The following FNDC3B variants were observed in gnomAD, a reference collection of about 807,000 sequenced individuals.
FNDC3B encodes the protein fibronectin type III domain containing 3B.
FNDC3B carries 12 observed loss-of-function variants against 151.5 expected under a neutral mutation model. That is an observed-to-expected ratio of 0.08 (90% CI 0.05 to 0.13). The LOEUF is 0.13. Among genes scored for constraint, FNDC3B ranks in the 10% least tolerant of loss-of-function variants. The probability of loss-of-function intolerance (pLI) is 1.00; values close to 1 mark genes in which losing one functional copy is unlikely to be tolerated. For synonymous variants in FNDC3B, 528 were observed against 549.0 expected, an observed-to-expected ratio of 0.96 and a Z score of 0.54; for missense variants, 1,214 against 1,505.3, an observed-to-expected ratio of 0.81 and a Z score of 3.20.
chr3:172,361,350 C>A (rs1734354050), intron 22 of FNDC3B, among the ~76,000 whole-genome samples: 1 of 152,184 alleles, frequency 6.6e-6, no homozygotes, highest in Non-Finnish European at 1.5e-5. Flanking sequence ...TAAGTCATTC[C>A]TTTGCTCCCA....
At chr3:172,227,166 C>G (rs1236652626) in intron 4 of FNDC3B, 1 of 428,276 alleles carries the variant, frequency 2.3e-6, no homozygotes, top group African/African-American at 2.0e-5. Context: ...ACTAGACTGT[C>G]CTCTGCCAAG....
At chr3:172,286,427 G>A (rs1730022055) in intron 7 of FNDC3B, among the ~76,000 whole-genome samples, 1 of 152,052 alleles carries the variant, frequency 6.6e-6, no homozygotes, top group African/African-American at 2.4e-5. Flanking sequence ...GGGTGCAATG[G>A]CAAGACAAAA....
chr3:172,158,286 G>A (rs1722593898), intron 3 of FNDC3B, among the ~76,000 whole-genome samples: 1 of 152,170 alleles, frequency 6.6e-6, no homozygotes, highest in Non-Finnish European at 1.5e-5. Context: ...CAGAGTGGTT[G>A]TACTATTTTA....
At chr3:172,152,496 T>C (rs1420552518) in intron 3 of FNDC3B, among the ~76,000 whole-genome samples, 3 of 151,938 alleles carry the variant, frequency 2.0e-5, no homozygotes, top group Non-Finnish European at 4.4e-5. Context: ...GTACCCTTCA[T>C]GTCCTCAACT....
intron 4 of FNDC3B, among the ~76,000 whole-genome samples, chr3:172,242,587 T>C (rs1016904754): frequency 1.3e-5 from 2 of 152,196 alleles, no homozygotes; most frequent in African/African-American, 4.8e-5. Context: ...CTTTCAGTCA[T>C]GACTGGAGTG....
At chr3:172,160,893 G>T (rs545253026) in intron 3 of FNDC3B, among the ~76,000 whole-genome samples, 4 of 151,994 alleles carry the variant, frequency 2.6e-5, no homozygotes, top group African/African-American at 4.8e-5. Context: ...CGAATTTGCC[G>T]TTGAAAGAAT....
At chr3:172,060,871 T>C (rs1717161180) in intron 1 of FNDC3B, among the ~76,000 whole-genome samples, 1 of 152,232 alleles carries the variant, frequency 6.6e-6, no homozygotes, top group Non-Finnish European at 1.5e-5. Flanking sequence ...ATTCTTACTA[T>C]TGGAGGCATA....
chr3:172,061,982 T>C (rs770076490), intron 1 of FNDC3B, among the ~76,000 whole-genome samples: 2 of 152,194 alleles, frequency 1.3e-5, no homozygotes, highest in African/African-American at 4.8e-5. Context: ...CATAAACTTA[T>C]TTATCTGAAT....
intron 11 of FNDC3B, among the ~76,000 whole-genome samples, chr3:172,323,461 A>G (rs967038381): frequency 2.0e-5 from 3 of 152,164 alleles, no homozygotes; most frequent in African/African-American, 7.2e-5. Context: ...ACAGTGAGCT[A>G]TGGTCTGTTT....
chr3:172,170,701 C>A (rs967825278), intron 3 of FNDC3B, among the ~76,000 whole-genome samples: 3 of 152,148 alleles, frequency 2.0e-5, no homozygotes, highest in Non-Finnish European at 4.4e-5. Flanking sequence ...GTTTCGACTC[C>A]TTTTGCGTGG....
intron 3 of FNDC3B, among the ~76,000 whole-genome samples, chr3:172,152,726 C>T (rs1722295846): frequency 6.6e-6 from 1 of 152,024 alleles, no homozygotes; most frequent in Admixed American, 6.6e-5. Context: ...CTTCTTTTCA[C>T]GGGACCCCTG....
In FNDC3B at chr3:172,210,861, TGGATGTGTTACTC is replaced by T. The variant is rs535376381; in HGVS notation, c.188-15998_188-15986del. ...TTACTTGCTTTTTGGATGTGTTACTTGGATGTGTTACTCGGATGTGTTACCCATACATAGAATC... is the reference window on the plus strand; with the variant it reads ...TTACTTGCTTTTTGGATGTGTTACTTGGATGTGTTACCCATACATAGAATC... On this transcript the variant is annotated intron_variant, in intron 3 of 25. Coordinates refer to ENST00000415807, the MANE Select transcript of FNDC3B (RefSeq NM_022763.4). Among the ~76,000 whole-genome samples, 1,278 of 152,338 alleles carry T rather than the reference TGGATGTGTTACTC, an allele frequency of 8.4e-3. 16 individuals carry two copies. The highest frequency in any genetic ancestry group is 0.029 in the African/African-American group (1,208 of 41,566).
chr3:172,258,610 G>A (rs1199597479), intron 6 of FNDC3B, among the ~76,000 whole-genome samples: 1 of 152,116 alleles, frequency 6.6e-6, no homozygotes, highest in African/African-American at 2.4e-5. Flanking sequence ...GATATTTTTG[G>A]GTCCTTGGAG....
At position 172,105,112 on chromosome 3, in the gene FNDC3B, G is replaced by A. The variant is rs189915763; in HGVS notation, c.-28-7340G>A. On this transcript the variant is annotated intron_variant, in intron 1 of 25. Coordinates refer to ENST00000415807, the MANE Select transcript of FNDC3B (RefSeq NM_022763.4). ...CTCTCTCTTTCCCTCTCTTTTCTAA[G>A]TTTTGCTAATAATAAAACTTAGGAA... is the stretch of plus-strand genomic sequence containing the variant. Among the ~76,000 whole-genome samples the A allele has an allele frequency of 1.7e-4, 26 of 152,218 alleles. No individual in the cohort carries two copies. The East Asian group carries it at 2.3e-3, about 14-fold the overall frequency.
At chr3:172,332,235 G>T (rs1486306837) in intron 13 of FNDC3B, among the ~76,000 whole-genome samples, 1 of 152,166 alleles carries the variant, frequency 6.6e-6, no homozygotes, top group Non-Finnish European at 1.5e-5. Flanking sequence ...CTCCCAAAGT[G>T]CTGGGATTAC....
chr3:172,359,298 C>G, intron 22 of FNDC3B, among the ~76,000 whole-genome samples: 1 of 152,100 alleles, frequency 6.6e-6, no homozygotes, highest in East Asian at 1.9e-4. Flanking sequence ...GAACAACAAT[C>G]TTAAGGAACT....
chr3:172,281,369 T>A (rs542402689), intron 6 of FNDC3B, among the ~76,000 whole-genome samples: 3 of 152,164 alleles, frequency 2.0e-5, no homozygotes, highest in Non-Finnish European at 4.4e-5. Context: ...CTAAGCCTCC[T>A]GAGTAGTTGG....
chr3:172,229,416 CT>C (rs1406375766), intron 4 of FNDC3B, among the ~76,000 whole-genome samples: 1 of 152,194 alleles, frequency 6.6e-6, no homozygotes, highest in African/African-American at 2.4e-5. Context: ...CCTTGGGCCT[CT>C]TTCTAAATAC....
intron 2 of FNDC3B, among the ~76,000 whole-genome samples, chr3:172,125,145 T>G (rs1429885473): frequency 1.3e-5 from 2 of 152,156 alleles, no homozygotes; most frequent in Non-Finnish European, 2.9e-5. Flanking sequence ...AATTGTAAAC[T>G]TTATAGAGGC....
Sources: allele counts gnomAD v4.1 joint callset (sites outside exome capture counted in the v4.1 genomes callset), GRCh38; gene constraint gnomAD v4.1.1; transcripts MANE v1.5; gene names NCBI Gene and HGNC (gene_info 2026-07-23, HGNC 2026-07-21).